The following IFT57 variants were observed in gnomAD, a reference collection of about 807,000 sequenced individuals.
IFT57 encodes the protein intraflagellar transport 57.
Under a neutral mutation model 56.8 loss-of-function variants are expected in IFT57, and 59 were observed. The observed-to-expected ratio is 1.04, with a 90% CI of 0.84 to 1.29. IFT57 has a LOEUF of 1.29. IFT57 is among the 50% of genes most tolerant of loss of function. The probability of loss-of-function intolerance (pLI) is 0.00; values close to 1 mark genes in which losing one functional copy is unlikely to be tolerated. For missense variants in IFT57, 470 were observed against 522.1 expected, an observed-to-expected ratio of 0.90 and a Z score of 0.97; for synonymous variants, 209 against 186.1, an observed-to-expected ratio of 1.12 and a Z score of -1.00.
intron 6 of IFT57, among the ~76,000 whole-genome samples, chr3:108,174,825 T>C (rs960322742): frequency 6.6e-6 from 1 of 151,806 alleles, no homozygotes; most frequent in Admixed American, 6.6e-5. Context: ...GTAAGAAACA[T>C]AGAATCTAGC....
intron 6 of IFT57, among the ~76,000 whole-genome samples, chr3:108,184,431 G>GA (rs2080168507): frequency 6.6e-6 from 1 of 151,384 alleles, no homozygotes. Context: ...CTAAAATATT[G>GA]AAAAAATTAA....
chr3:108,165,562 TTG>T (rs1311049727), intron 8 of IFT57, 69 bp from the exon 9 acceptor site: 1 of 1,212,238 alleles, frequency 8.2e-7, no homozygotes, highest in Non-Finnish European at 1.2e-6. Context: ...ACTGACCTCT[TTG>T]TGTTTGCAAT....
In IFT57 at chr3:108,183,078, G is replaced by C. The variant is rs371786226; in HGVS notation, c.777+8443C>G. ...ATAATTGAAGAAAAGGGCCTAAGTAGGGTTTAGTTGAAAACTGATTTCACA... is the reference window on the plus strand; with the variant it reads ...ATAATTGAAGAAAAGGGCCTAAGTACGGTTTAGTTGAAAACTGATTTCACA... On this transcript the variant is annotated intron_variant, in intron 6 of 10. Coordinates refer to ENST00000264538, the MANE Select transcript of IFT57 (RefSeq NM_018010.4). 4.6e-5 allele frequency among the ~76,000 whole-genome samples: 7 copies of C among 152,022 alleles called. No homozygotes were observed. The South Asian group carries it at 1.5e-3, about 32-fold the overall frequency.
chr3:108,168,426 T>C (rs1036333935), intron 6 of IFT57, among the ~76,000 whole-genome samples: 1 of 151,988 alleles, frequency 6.6e-6, no homozygotes, highest in Non-Finnish European at 1.5e-5. Flanking sequence ...ACATCAACAT[T>C]TTAATTTCCT....
At chr3:108,190,425 T>A (rs2080209194) in intron 6 of IFT57, among the ~76,000 whole-genome samples, 1 of 152,190 alleles carries the variant, frequency 6.6e-6, no homozygotes. Flanking sequence ...CCCCATGGGG[T>A]TCTTGTGAAA....
intron 5 of IFT57, among the ~76,000 whole-genome samples, chr3:108,203,526 A>G (rs1455620334): frequency 1.3e-5 from 2 of 152,196 alleles, no homozygotes; most frequent in Non-Finnish European, 2.9e-5. Context: ...TTCTCCCTGC[A>G]TTAGCCCACA....
intron 4 of IFT57, among the ~76,000 whole-genome samples, chr3:108,208,143 T>C (rs1276841366): frequency 6.6e-6 from 1 of 151,680 alleles, no homozygotes; most frequent in Admixed American, 6.6e-5. Flanking sequence ...TTTAGTAAAA[T>C]AGGAAACAAC....
intron 6 of IFT57, among the ~76,000 whole-genome samples, chr3:108,188,420 G>C (rs1210811878): frequency 6.6e-6 from 1 of 152,118 alleles, no homozygotes; most frequent in Non-Finnish European, 1.5e-5. Flanking sequence ...AAAAGAAAGA[G>C]AAGTTTGTAA....
At chr3:108,201,709 G>C (rs1314646263) in intron 5 of IFT57, among the ~76,000 whole-genome samples, 1 of 152,082 alleles carries the variant, frequency 6.6e-6, no homozygotes, top group African/African-American at 2.4e-5. Context: ...TTTTCTCCTA[G>C]ATTACTCAGT....
intron 5 of IFT57, among the ~76,000 whole-genome samples, chr3:108,204,126 G>A (rs995569088): frequency 2.0e-5 from 3 of 152,052 alleles, no homozygotes; most frequent in Non-Finnish European, 4.4e-5. Context: ...ATCATAAGCT[G>A]TAGTCAGACA....
At chr3:108,220,937 A>T (rs1034496) in intron 1 of IFT57, among the ~76,000 whole-genome samples, 1 of 152,164 alleles carries the variant, frequency 6.6e-6, no homozygotes, top group Non-Finnish European at 1.5e-5. Flanking sequence ...AACCTTAAGG[A>T]CATTTTGTTT....
intron 8 of IFT57, among the ~76,000 whole-genome samples, chr3:108,166,611 C>A (rs530576481): frequency 6.6e-6 from 1 of 152,018 alleles, no homozygotes; most frequent in Admixed American, 6.6e-5. Context: ...ACAGCATATG[C>A]CTTCATTTAC....
chr3:108,213,138 ATG>A (rs1214225687), intron 4 of IFT57, among the ~76,000 whole-genome samples: 2 of 152,146 alleles, frequency 1.3e-5, no homozygotes, highest in Non-Finnish European at 2.9e-5. Flanking sequence ...TAGACAAAAT[ATG>A]TGTTAACTCT....
In IFT57 at chr3:108,165,442, G is replaced by T; in HGVS notation, c.1033C>A (p.Leu345Ile). 2 of 1,612,542 alleles carry T rather than the reference G, an allele frequency of 1.2e-6. No homozygotes were observed. Among genetic ancestry groups the T allele is most frequent in the Non-Finnish European group, 1.7e-6 (2 of 1,178,886 alleles). ...GCATCAGTGTGTACCTCAGAGAGGAGTCTGGTTCTTTCCGTCACTCCTCCA... is the reference window on the plus strand; with the variant it reads ...GCATCAGTGTGTACCTCAGAGAGGATTCTGGTTCTTTCCGTCACTCCTCCA... The part of the protein sequence containing the change: ...GNGGVTERTR[L>I]LSEVMEELEK... The change falls in exon 9 of 11, where the codon CTC (leucine) becomes ATC (isoleucine). Residue 345 changes from leucine to isoleucine, a missense_variant. Physicochemically the swap from Leu to Ile is conservative, Grantham distance 5 (BLOSUM62 2). Coordinates refer to ENST00000264538, the MANE Select transcript of IFT57 (RefSeq NM_018010.4).
In IFT57 at chr3:108,191,631, T is replaced by G; in HGVS notation, c.667A>C (p.Thr223Pro). 6.2e-7 allele frequency: 1 copy of G among 1,602,580 alleles called. No individual in the cohort carries two copies. The highest frequency in any genetic ancestry group is 1.1e-5 in the South Asian group (1 of 88,402). ...TCCAAAATATCTTCTTGTTTGGCAGTCTCGTTCATATCCTAAGAAAGGAAA... is the reference window on the plus strand; with the variant it reads ...TCCAAAATATCTTCTTGTTTGGCAGGCTCGTTCATATCCTAAGAAAGGAAA... ...AQTYHLDMNE[T>P]AKQEDILEST... is the part of the protein sequence containing the mutation. The change falls in exon 6 of 11, where the codon ACT becomes CCT. Residue 223 changes from threonine (T) to proline (P), a missense_variant. Coordinates refer to ENST00000264538, the MANE Select transcript of IFT57 (RefSeq NM_018010.4).
Position 108,222,384 on chromosome 3 carries a change from A to G in IFT57, c.-62T>C. On this transcript the variant is annotated 5_prime_UTR_variant, in exon 1 of 11. Coordinates refer to ENST00000264538, the MANE Select transcript of IFT57 (RefSeq NM_018010.4). ...ACAGACCTCTGCGGCCTAAGCCGCCAGCCCTGCCGCCGCCAGTACAGCCAC... is the reference window on the plus strand; with the variant it reads ...ACAGACCTCTGCGGCCTAAGCCGCCGGCCCTGCCGCCGCCAGTACAGCCAC... The G allele has an allele frequency of 2.0e-6, 3 of 1,484,928 alleles. No individual in the cohort carries two copies. The highest frequency in any genetic ancestry group is 2.7e-6 in the Non-Finnish European group (3 of 1,113,326). The allele number at this position is 1,484,928 out of a possible 1,614,324, so 92.0% of individuals were successfully genotyped here.
chr3:108,195,827 C>T (rs189985390), intron 5 of IFT57, among the ~76,000 whole-genome samples: 259 of 151,670 alleles, frequency 1.7e-3, no homozygotes, highest in African/African-American at 5.3e-3. Context: ...AGAATGGTAG[C>T]GGGGAGGAGG....
chr3:108,216,824 C>G (rs562480826), intron 3 of IFT57, among the ~76,000 whole-genome samples: 1 of 152,236 alleles, frequency 6.6e-6, no homozygotes, highest in East Asian at 1.9e-4. Flanking sequence ...TTGTAGCAAC[C>G]TGTATAAGCA....
At position 108,161,457 on chromosome 3, in the gene IFT57, TA is replaced by T. The variant is rs2080031559; in HGVS notation, c.*1019del. The T allele has an allele frequency of 1.3e-5, 2 of 151,950 alleles. No homozygotes were observed. Among genetic ancestry groups the T allele is most frequent in the Non-Finnish European group, 2.9e-5 (2 of 67,970 alleles). The allele number at this position is 151,950 out of a possible 1,614,324, so 9.4% of individuals were successfully genotyped here. Reference sequence around the variant, plus strand: ...TGGAGAAAAGTATTAGGGTAAAAAATAACTTTTTAAAATTATTTTTGTTGTC... The same window carrying T: ...TGGAGAAAAGTATTAGGGTAAAAAATACTTTTTAAAATTATTTTTGTTGTC... On this transcript the variant is annotated 3_prime_UTR_variant, in exon 11 of 11. Transcript: ENST00000264538.
Sources: gnomAD v4.1 joint callset for allele counts (sites outside exome capture counted in the v4.1 genomes callset) on GRCh38, gnomAD v4.1.1 for gene constraint, MANE v1.5 for transcripts, NCBI Gene and HGNC (gene_info 2026-07-23, HGNC 2026-07-21) for gene names.